Variants in ZNF646 observed in about 807,000 individuals in gnomAD.
The protein encoded by ZNF646 is zinc finger protein 646.
A neutral mutation model predicts 115.4 loss-of-function variants in ZNF646; 49 were observed. That is an observed-to-expected ratio of 0.42 (90% CI 0.34 to 0.54). The LOEUF is 0.54. ZNF646 is among the 20% of genes least tolerant of loss of function. The pLI is 0.04. For synonymous variants in ZNF646, 933 were observed against 939.0 expected, an observed-to-expected ratio of 0.99 and a Z score of 0.12; for missense variants, 2,269 against 2,457.9, an observed-to-expected ratio of 0.92 and a Z score of 1.62.
Position 31,081,803 on chromosome 16 carries a change from C to T in ZNF646, c.5377+102C>T, listed in dbSNP as rs548510048. 2.3e-3 allele frequency: 3,387 copies of T among 1,441,644 alleles called. 7 individuals are homozygous for T. Among genetic ancestry groups the T allele is most frequent in the Non-Finnish European group, 2.7e-3 (2,912 of 1,090,254 alleles). 89.3% of individuals were successfully genotyped at this position (1,441,644 alleles called of 1,614,324 possible). ...AGCAAGGAGTGAGAGGAGAGAGCCC[C>T]GGGGATTCTAAGAGGTGGGTGGGGG... is the stretch of plus-strand genomic sequence containing the variant. On this transcript the variant is annotated intron_variant, in intron 2 of 2. Transcript: ENST00000300850.
chr16:31,077,557 C>G lies in ZNF646; in HGVS notation c.1233C>G (p.Phe411Leu), dbSNP rs148938370. 249 of 1,613,252 alleles carry G rather than the reference C, an allele frequency of 1.5e-4. No individual in the cohort carries two copies. In the African/African-American group the frequency reaches 3.1e-3, roughly 20 times the overall value. The change falls in exon 2 of 3, where the codon TTC (phenylalanine) becomes TTG (leucine). Residue 411 changes from phenylalanine to leucine, a missense_variant. This residue lies in a region of ZNF646 where 852 missense variants were observed against 900.2 expected (regional missense o/e 0.95). Coordinates refer to ENST00000300850, the MANE Select transcript of ZNF646 (RefSeq NM_014699.4). ...GCTCACTCTGTTCTAAGCAGCTGTT[C>G]AATGCGGCTGCCCTCAAAAACCATG... ...YPCSLCSKQL[F>L]NAAALKNHVR...
rs2057109293 is a variant in ZNF646 at position 31,078,552 on chromosome 16, G to A, written c.2228G>A (p.Arg743Lys). The A allele has an allele frequency of 1.9e-6, 3 of 1,602,076 alleles. No homozygotes were observed. The highest frequency in any genetic ancestry group is 2.6e-6 in the Non-Finnish European group (3 of 1,171,606). ...ESEGDKCGLE[R>K]DETHFQGDKE... ...GAAGGGGACAAATGTGGGCTTGAGA[G>A]GGATGAGACCCATTTCCAGGGTGAT... Residue 743 changes from arginine to lysine, a missense_variant, in exon 2 of 3, where the codon AGG (arginine) becomes AAG (lysine). Physicochemically the swap from Arg to Lys is conservative, Grantham distance 26 (BLOSUM62 2). Around this residue, in one of 5 missense-constraint regions of ZNF646, gnomAD observed 852 missense variants for 900.2 expected, o/e 0.95. Transcript: ENST00000300850.
chr16:31,082,834 T>G (rs1437988835), intron 2 of ZNF646, 137 bp from the exon 3 acceptor site: 1 of 1,177,082 alleles, frequency 8.5e-7, no homozygotes, highest in Admixed American at 3.1e-5. Flanking sequence ...GGGAAAATAA[T>G]TAGGAGGCCT....
In ZNF646 at chr16:31,083,207, T is replaced by C; in HGVS notation, c.*115T>C. On this transcript the variant is annotated 3_prime_UTR_variant, in exon 3 of 3. Transcript: ENST00000300850. ...ATCCCCATATCTTCTCCTCTCCCCT[T>C]GTGAAGAGGACCCAGATCTGGCTTC... is the stretch of plus-strand genomic sequence containing the variant. 6 of 1,423,558 alleles carry C rather than the reference T, an allele frequency of 4.2e-6. No homozygotes were observed. Among genetic ancestry groups the C allele is most frequent in the Non-Finnish European group, 5.6e-6 (6 of 1,069,008 alleles). 88.2% of individuals were successfully genotyped at this position (1,423,558 alleles called of 1,614,324 possible). A position where few individuals can be genotyped will look rare whatever the true frequency, so the allele number is the denominator to read the frequency against.
At chr16:31,074,827 G>C (rs1477672900) in intron 1 of ZNF646, 196 bp downstream of exon 1, 1 of 152,286 alleles carries the variant, frequency 6.6e-6, no homozygotes, top group African/African-American at 2.4e-5. Context: ...TTTGTGAGGT[G>C]AGAATTCCGG....
In ZNF646 at chr16:31,076,858, A is replaced by G. The variant is rs750375167; in HGVS notation, c.534A>G (p.Pro178=). 1 of 1,614,138 alleles carries G rather than the reference A, an allele frequency of 6.2e-7. No individual in the cohort carries two copies. Among genetic ancestry groups the G allele is most frequent in the East Asian group, 2.2e-5 (1 of 44,876 alleles). The change falls in exon 2 of 3, where the codon CCA becomes CCG. Residue 178 remains proline, a synonymous_variant. Coordinates refer to ENST00000300850, the MANE Select transcript of ZNF646 (RefSeq NM_014699.4). ...TRQREGLASH[P]GPEDGADGWG... is the part of the protein sequence containing the mutation. ...AAAGAGAAGGCTTGGCAAGCCACCC[A>G]GGTCCTGAGGATGGTGCAGACGGCT...
rs2057148234 is a variant in ZNF646, at chr16:31,080,853, T to A, written c.4529T>A (p.Leu1510Gln). The A allele has an allele frequency of 1.2e-6, 2 of 1,614,074 alleles. No individual in the cohort carries two copies. Among genetic ancestry groups the A allele is most frequent in the East Asian group, 4.5e-5 (2 of 44,868 alleles). Residue 1510 changes from leucine (L) to glutamine (Q), a missense_variant, in exon 2 of 3, where the codon CTG becomes CAG. Physicochemically the swap from Leu to Gln is moderately radical, Grantham distance 113. Coordinates refer to ENST00000300850, the MANE Select transcript of ZNF646 (RefSeq NM_014699.4). Reference sequence around the variant, plus strand: ...GACTGCCAGCTCAATGGACCTACTCTGAGTCACATGGATAGCTGGGACAAC... The same window carrying A: ...GACTGCCAGCTCAATGGACCTACTCAGAGTCACATGGATAGCTGGGACAAC... ...AGDCQLNGPT[L>Q]SHMDSWDNRD...
At position 31,080,100 on chromosome 16, in the gene ZNF646, G is replaced by C. The variant is rs140878497; in HGVS notation, c.3776G>C (p.Arg1259Pro). The change falls in exon 2 of 3, where the codon CGC (arginine) becomes CCC (proline). Residue 1259 changes from arginine (R) to proline (P), a missense_variant. Around this residue, in one of 5 missense-constraint regions of ZNF646, gnomAD observed 1,062 missense variants for 1,172.8 expected, o/e 0.91. Coordinates refer to ENST00000300850, the MANE Select transcript of ZNF646 (RefSeq NM_014699.4). Reference protein sequence around the residue: ...RRIHADPRRFRCSECGKAFRL... With the variant: ...RRIHADPRRFPCSECGKAFRL... ...ATCCATGCAGATCCCCGACGTTTCCGCTGCAGCGAGTGTGGGAAGGCCTTC... is the reference window on the plus strand; with the variant it reads ...ATCCATGCAGATCCCCGACGTTTCCCCTGCAGCGAGTGTGGGAAGGCCTTC... The C allele has an allele frequency of 1.9e-6, 3 of 1,613,182 alleles. No individual in the cohort carries two copies. The highest frequency in any genetic ancestry group is 3.3e-5 in the Admixed American group (2 of 60,018).
upstream of ZNF646, chr16:31,073,580 G>C (rs1303075067): frequency 2.0e-5 from 3 of 152,360 alleles, no homozygotes; most frequent in African/African-American, 7.2e-5. Flanking sequence ...GGCGCCCGCA[G>C]GGAAACTGAG....
rs200607301 is a variant in ZNF646 at position 31,081,356 on chromosome 16, C to G, written c.5032C>G (p.Arg1678Gly). The G allele has an allele frequency of 5.8e-5, 94 of 1,613,726 alleles. 1 individual carries two copies. In the South Asian group the frequency reaches 9.9e-4, roughly 17 times the overall value. ...GGCTGAGGACAAGGAGCGGCCCTTC[C>G]GCTGCACCCAGTGCGGGCGCTCCTA... ...MAAEDKERPF[R>G]CTQCGRSYRH... Residue 1678 changes from arginine (R) to glycine (G), a missense_variant, in exon 2 of 3, where the codon CGC becomes GGC. Around this residue, in one of 5 missense-constraint regions of ZNF646, gnomAD observed 1,062 missense variants for 1,172.8 expected, o/e 0.91. Coordinates refer to ENST00000300850, the MANE Select transcript of ZNF646 (RefSeq NM_014699.4).
intron 1 of ZNF646, among the ~76,000 whole-genome samples, chr16:31,075,746 A>T (rs946914118): frequency 6.6e-6 from 1 of 152,186 alleles, no homozygotes; most frequent in African/African-American, 2.4e-5. Context: ...TCAGCTATTA[A>T]CTGGAGGAAA....
chr16:31,077,435 T>G lies in ZNF646; in HGVS notation c.1111T>G (p.Tyr371Asp). The G allele has an allele frequency of 3.1e-6, 5 of 1,613,160 alleles. No homozygotes were observed. Among genetic ancestry groups the G allele is most frequent in the Non-Finnish European group, 4.2e-6 (5 of 1,179,898 alleles). ...GCTGGAGGACAGTGGCCTGGAGGAA[T>G]ACCGGCCTTTCCGCTGTGGGGACTG... ...GELEDSGLEE[Y>D]RPFRCGDCGR... The change falls in exon 2 of 3, where the codon TAC (tyrosine) becomes GAC (aspartate). Residue 371 changes from tyrosine to aspartate, a missense_variant. This residue lies in a region of ZNF646 where 852 missense variants were observed against 900.2 expected (regional missense o/e 0.95). Transcript: ENST00000300850.
Position 31,079,058 on chromosome 16 carries a change from G to T in ZNF646, c.2734G>T (p.Gly912Cys), listed in dbSNP as rs760216959. The T allele has an allele frequency of 6.3e-7, 1 of 1,577,700 alleles. No individual in the cohort carries two copies. Among genetic ancestry groups the T allele is most frequent in the Non-Finnish European group, 8.6e-7 (1 of 1,158,910 alleles). The change falls in exon 2 of 3, where the codon GGC (glycine) becomes TGC (cysteine). Residue 912 changes from glycine (G) to cysteine (C), a missense_variant. Gly to Cys is a radical substitution (Grantham distance 159). Transcript: ENST00000300850. The surrounding 1 kb of genome is among the most constrained non-coding windows in gnomAD (Gnocchi z 5.5). ...QAHSSSGMTE[G>C]SEEEGEEEGV... ...CCACAGCTCCTCTGGCATGACTGAG[G>T]GCTCAGAGGAGGAGGGGGAAGAGGA... is the stretch of plus-strand genomic sequence containing the variant.
At position 31,078,483 on chromosome 16, in the gene ZNF646, A is replaced by C. The variant is rs1323608493; in HGVS notation, c.2159A>C (p.Glu720Ala). The C allele has an allele frequency of 4.4e-6, 7 of 1,589,458 alleles. No individual in the cohort carries two copies. Among genetic ancestry groups the C allele is most frequent in the Non-Finnish European group, 6.0e-6 (7 of 1,165,206 alleles). Residue 720 changes from glutamate (E) to alanine (A), a missense_variant, in exon 2 of 3, where the codon GAA becomes GCA. This residue lies in a region of ZNF646 where 852 missense variants were observed against 900.2 expected (regional missense o/e 0.95). Transcript: ENST00000300850. ...TCAGGGGAAAGTCCTCATGGGGCTGAAGGCAACCTGGAAAGTGATGGGGAC... is the reference window on the plus strand; with the variant it reads ...TCAGGGGAAAGTCCTCATGGGGCTGCAGGCAACCTGGAAAGTGATGGGGAC... ...DPSGESPHGAEGNLESDGDCL... is the reference protein window; with the variant it reads ...DPSGESPHGAAGNLESDGDCL...
Position 31,083,901 on chromosome 16 carries a change from T to A in ZNF646, c.*809T>A. The A allele has an allele frequency of 6.3e-7, 1 of 1,584,498 alleles. No individual in the cohort carries two copies. The highest frequency in any genetic ancestry group is 8.6e-7 in the Non-Finnish European group (1 of 1,164,088). ...ATTCCTCGAAGGAACAGGGTCTGTCTTGGCCGCCATGACAGATGAGAATAC... is the reference window on the plus strand; with the variant it reads ...ATTCCTCGAAGGAACAGGGTCTGTCATGGCCGCCATGACAGATGAGAATAC... On this transcript the variant is annotated 3_prime_UTR_variant, in exon 3 of 3. Transcript: ENST00000300850.
At position 31,080,201 on chromosome 16, in the gene ZNF646, AC is replaced by A; in HGVS notation, c.3878del (p.Thr1293IlefsTer23). 1.2e-6 allele frequency: 2 copies of A among 1,607,568 alleles called. No individual in the cohort carries two copies. The highest frequency in any genetic ancestry group is 1.7e-6 in the Non-Finnish European group (2 of 1,176,978). On this transcript the variant is annotated frameshift_variant, in exon 2 of 3. Coordinates refer to ENST00000300850, the MANE Select transcript of ZNF646 (RefSeq NM_014699.4). LOFTEE classifies it high-confidence loss of function. ...TGGGGGTGGGGGCACCCGAAAGGCG[AC>A]TCGGGAAGATCGGCCCTTCCGCTGT... is the stretch of plus-strand genomic sequence containing the variant. ...RRGGGGTRKA[T>X]REDRPFRCGQ...
At position 31,078,598 on chromosome 16, in the gene ZNF646, G is replaced by A; in HGVS notation, c.2274G>A (p.Gly758=). Residue 758 remains glycine, a synonymous_variant, in exon 2 of 3, where the codon GGG becomes GGA. Coordinates refer to ENST00000300850, the MANE Select transcript of ZNF646 (RefSeq NM_014699.4). ...FQGDKESGGT[G]EGLERKDASL... ...GTGATAAAGAGAGCGGAGGCACTGGGGAAGGACTGGAAAGGAAGGATGCCA... is the reference window on the plus strand; with the variant it reads ...GTGATAAAGAGAGCGGAGGCACTGGAGAAGGACTGGAAAGGAAGGATGCCA... 1 of 1,613,660 alleles carries A rather than the reference G, an allele frequency of 6.2e-7. No homozygotes were observed. The highest frequency in any genetic ancestry group is 8.5e-7 in the Non-Finnish European group (1 of 1,179,678).
chr16:31,078,623 A>G lies in ZNF646; in HGVS notation c.2299A>G (p.Ser767Gly). 1 of 1,614,130 alleles carries G rather than the reference A, an allele frequency of 6.2e-7. No homozygotes were observed. Among genetic ancestry groups the G allele is most frequent in the Non-Finnish European group, 8.5e-7 (1 of 1,179,964 alleles). Residue 767 changes from serine (S) to glycine (G), a missense_variant, in exon 2 of 3, where the codon AGT becomes GGT. Transcript: ENST00000300850. ...TGEGLERKDASLLDNLDIPGE... is the reference protein window; with the variant it reads ...TGEGLERKDAGLLDNLDIPGE... Reference sequence around the variant, plus strand: ...GGAAGGACTGGAAAGGAAGGATGCCAGTTTACTTGACAACTTGGACATCCC... The same window carrying G: ...GGAAGGACTGGAAAGGAAGGATGCCGGTTTACTTGACAACTTGGACATCCC...
In ZNF646 at chr16:31,081,501, A is replaced by G; in HGVS notation, c.5177A>G (p.His1726Arg). The change falls in exon 2 of 3, where the codon CAC becomes CGC. Residue 1726 changes from histidine to arginine, a missense_variant. Physicochemically the swap from His to Arg is conservative, Grantham distance 29. Coordinates refer to ENST00000300850, the MANE Select transcript of ZNF646 (RefSeq NM_014699.4). ...LLSLKNHSRTHTDPKRHCCSI... is the reference protein window; with the variant it reads ...LLSLKNHSRTRTDPKRHCCSI... ...TCTCTTAAGAACCACAGCAGGACCC[A>G]CACGGACCCCAAGCGCCACTGCTGC... 1 of 1,614,122 alleles carries G rather than the reference A, an allele frequency of 6.2e-7. No individual in the cohort carries two copies. Among genetic ancestry groups the G allele is most frequent in the Non-Finnish European group, 8.5e-7 (1 of 1,180,018 alleles).
Sources: allele counts gnomAD v4.1 joint callset (sites outside exome capture counted in the v4.1 genomes callset), GRCh38; gene constraint gnomAD v4.1.1; regional missense constraint gnomAD v4.1.1; non-coding constraint Gnocchi (gnomAD v3.1); transcripts MANE v1.5; gene names NCBI Gene and HGNC (gene_info 2026-07-23, HGNC 2026-07-21).